The following SLC35F3 variants were observed in gnomAD, a reference collection of about 807,000 sequenced individuals.
The protein encoded by SLC35F3 is solute carrier family 35 member F3, also known as putative thiamine transporter SLC35F3.
A neutral mutation model predicts 49.9 loss-of-function variants in SLC35F3; 25 were observed. That is an observed-to-expected ratio of 0.50 (90% CI 0.37 to 0.70). The LOEUF is 0.70. Among genes scored for constraint, SLC35F3 ranks in the 30% least tolerant of loss-of-function variants. The probability of loss-of-function intolerance (pLI) is 0.00; values close to 1 mark genes in which losing one functional copy is unlikely to be tolerated. For synonymous variants in SLC35F3, 275 were observed against 265.4 expected, an observed-to-expected ratio of 1.04 and a Z score of -0.35; for missense variants, 525 against 639.8, an observed-to-expected ratio of 0.82 and a Z score of 1.94.
chr1:234,229,247 G>A (rs1667331717), intron 2 of SLC35F3, among the ~76,000 whole-genome samples: 1 of 149,042 alleles, frequency 6.7e-6, no homozygotes, highest in African/African-American at 2.4e-5. Context: ...TATAACGCCT[G>A]TTAACTGCAT....
intron 3 of SLC35F3, among the ~76,000 whole-genome samples, chr1:234,273,354 G>A (rs771738115): frequency 3.3e-5 from 5 of 152,192 alleles, no homozygotes; most frequent in Admixed American, 6.5e-5. Context: ...CCACACCGGT[G>A]TGAGTGGTAC....
rs532555791 is a variant in SLC35F3 at position 234,269,886 on chromosome 1, G to A, written c.608+38145G>A. On this transcript the variant is annotated intron_variant, in intron 3 of 7. Coordinates refer to ENST00000366618, the MANE Select transcript of SLC35F3 (RefSeq NM_173508.4). ...CTCTGCACACACTGGCTCCCCTTCCGCTTCTGCCATGAGTGGAAGCTCCCG... is the reference window on the plus strand; with the variant it reads ...CTCTGCACACACTGGCTCCCCTTCCACTTCTGCCATGAGTGGAAGCTCCCG... 1.4e-3 allele frequency among the ~76,000 whole-genome samples: 210 copies of A among 152,168 alleles called. 1 individual carries two copies. Among genetic ancestry groups the A allele is most frequent in the Non-Finnish European group, 1.4e-3 (94 of 67,998 alleles).
At chr1:233,987,321 C>G (rs4284305) in intron 2 of SLC35F3, among the ~76,000 whole-genome samples, 115,334 of 151,950 alleles carry the variant, frequency 0.76, 44,710 homozygotes, top group African/African-American at 0.93. Flanking sequence ...TGCAAGATTG[C>G]CACAAATTTG....
chr1:234,186,110 G>C (rs998930632), intron 2 of SLC35F3, among the ~76,000 whole-genome samples: 1 of 152,168 alleles, frequency 6.6e-6, no homozygotes, highest in Non-Finnish European at 1.5e-5. Flanking sequence ...CAGCTGCAGC[G>C]AATGTTCTTA....
Position 233,949,401 on chromosome 1 carries a change from C to G in SLC35F3, c.283+43643C>G, listed in dbSNP as rs569504463. On this transcript the variant is annotated intron_variant, in intron 2 of 7. Coordinates refer to ENST00000366618, the MANE Select transcript of SLC35F3 (RefSeq NM_173508.4). ...CATCGTGATGTTCACGGATAGTATT[C>G]CATGAGTGTAATGTCTAGAGGGAGA... Among the ~76,000 whole-genome samples, 22 of 152,198 alleles carry G rather than the reference C, an allele frequency of 1.4e-4. No individual in the cohort carries two copies. In the South Asian group the frequency reaches 4.4e-3, roughly 30 times the overall value.
intron 2 of SLC35F3, among the ~76,000 whole-genome samples, chr1:234,115,377 T>C (rs1408972932): frequency 6.6e-6 from 1 of 152,200 alleles, no homozygotes. Flanking sequence ...GGTCCTTCCC[T>C]TGTATGCACT....
intron 2 of SLC35F3, among the ~76,000 whole-genome samples, chr1:234,090,537 G>T (rs1665026755): frequency 1.3e-5 from 2 of 152,232 alleles, no homozygotes; most frequent in Admixed American, 6.5e-5. Flanking sequence ...AGGCAGCATG[G>T]TCTAAAGTAT....
chr1:234,199,055 C>CAA (rs58267652), intron 2 of SLC35F3, among the ~76,000 whole-genome samples: 16,714 of 137,554 alleles, frequency 0.12, 2,374 homozygotes, highest in East Asian at 0.77. Flanking sequence ...CTTATTTCTA[C>CAA]AAAAAAAAAA....
intron 2 of SLC35F3, among the ~76,000 whole-genome samples, chr1:234,100,042 G>A (rs1665190720): frequency 6.6e-6 from 1 of 152,160 alleles, no homozygotes; most frequent in African/African-American, 2.4e-5. Context: ...AACACTCAAG[G>A]TGTTCTGCAT....
intron 3 of SLC35F3, among the ~76,000 whole-genome samples, chr1:234,236,880 G>A (rs1667478205): frequency 7.1e-6 from 1 of 140,388 alleles, no homozygotes; most frequent in Admixed American, 7.5e-5. Context: ...TTGACCCTAA[G>A]GAACTCACAA....
intron 2 of SLC35F3, among the ~76,000 whole-genome samples, chr1:234,140,548 A>G (rs1319237367): frequency 6.6e-6 from 1 of 152,174 alleles, no homozygotes; most frequent in Admixed American, 6.5e-5. Context: ...ATATCCCCAT[A>G]GATAAGGGTG....
intron 2 of SLC35F3, among the ~76,000 whole-genome samples, chr1:234,114,051 A>AG (rs1665447349): frequency 6.6e-6 from 1 of 152,176 alleles, no homozygotes. Context: ...CCAGTTCCGC[A>AG]GGGTAAGTGC....
At chr1:233,956,401 T>C (rs572477231) in intron 2 of SLC35F3, among the ~76,000 whole-genome samples, 1 of 152,324 alleles carries the variant, frequency 6.6e-6, no homozygotes, top group African/African-American at 2.4e-5. Flanking sequence ...CTCACCACTC[T>C]AGTTTATATA....
At chr1:233,961,602 G>A (rs764944052) in intron 2 of SLC35F3, among the ~76,000 whole-genome samples, 23 of 151,960 alleles carry the variant, frequency 1.5e-4, no homozygotes, top group Non-Finnish European at 2.6e-4. Flanking sequence ...GATAACAGGC[G>A]CACACCACCA....
At chr1:234,088,775 T>C (rs893387109) in intron 2 of SLC35F3, among the ~76,000 whole-genome samples, 2 of 151,988 alleles carry the variant, frequency 1.3e-5, no homozygotes, top group African/African-American at 4.8e-5. Context: ...TTTTTCTTTA[T>C]TTTTGAGACA....
At chr1:234,076,987 G>GTTTTTTTT (rs1025001276) in intron 2 of SLC35F3, among the ~76,000 whole-genome samples, 1 of 134,742 alleles carries the variant, frequency 7.4e-6, no homozygotes, top group African/African-American at 2.8e-5. Context: ...AAAGAAAGAG[G>GTTTTTTTT]TTTTTTTTTT....
chr1:234,172,049 C>T (rs1187100410), intron 2 of SLC35F3, among the ~76,000 whole-genome samples: 3 of 152,016 alleles, frequency 2.0e-5, no homozygotes, highest in Non-Finnish European at 4.4e-5. Context: ...CTTTTTAGCA[C>T]AGATTCACAT....
At chr1:233,930,270 A>G (rs1571984129) in intron 2 of SLC35F3, among the ~76,000 whole-genome samples, 2 of 152,142 alleles carry the variant, frequency 1.3e-5, no homozygotes, top group African/African-American at 4.8e-5. Flanking sequence ...GCAGCCCCGG[A>G]TGTAGAGTTA....
chr1:234,242,582 A>G (rs1014079977), intron 3 of SLC35F3, among the ~76,000 whole-genome samples: 5 of 152,226 alleles, frequency 3.3e-5, no homozygotes, highest in African/African-American at 1.2e-4. Flanking sequence ...CTTTTCTGAT[A>G]TTTGGGCAAG....
Sources: gnomAD v4.1 joint callset for allele counts (sites outside exome capture counted in the v4.1 genomes callset) on GRCh38, gnomAD v4.1.1 for gene constraint, MANE v1.5 for transcripts, NCBI Gene and HGNC (gene_info 2026-07-23, HGNC 2026-07-21) for gene names.